BBX: variants seen among roughly 807,000 people sequenced by gnomAD.
The protein encoded by BBX is HMG box transcription factor BBX.
In BBX, 30 loss-of-function variants were observed where a neutral mutation model predicts 100.2. The observed-to-expected ratio is 0.30, with a 90% CI of 0.22 to 0.41. The LOEUF (loss-of-function observed/expected upper bound fraction) is 0.41, where lower values mean the gene tolerates loss of function less well. Among genes scored for constraint, BBX ranks in the 10% least tolerant of loss-of-function variants. BBX has a pLI of 1.00. For synonymous variants in BBX, 376 were observed against 388.1 expected (o/e 0.97, Z 0.37); for missense variants, 1,023 against 1,129.8 (o/e 0.91, Z 1.35).
At chr3:107,769,953 T>G (rs2066762963) in intron 10 of BBX, among the ~76,000 whole-genome samples, 1 of 152,226 alleles carries the variant, frequency 6.6e-6, no homozygotes, top group Admixed American at 6.5e-5. Flanking sequence ...TTGATTTACA[T>G]GTATAGTTTC....
chr3:107,787,594 C>T (rs78946280), intron 13 of BBX, among the ~76,000 whole-genome samples: 4,242 of 152,170 alleles, frequency 0.028, 208 homozygotes, highest in African/African-American at 0.097. Context: ...TGAATATAAA[C>T]ACAAGTTTTA....
At chr3:107,775,144 G>A (rs2067222004) in intron 12 of BBX, among the ~76,000 whole-genome samples, 1 of 152,128 alleles carries the variant, frequency 6.6e-6, no homozygotes, top group South Asian at 2.1e-4. Flanking sequence ...TCACCAGGAT[G>A]CATTTTTCCA....
intron 2 of BBX, among the ~76,000 whole-genome samples, chr3:107,596,528 C>G (rs1176927410): frequency 6.6e-6 from 1 of 152,134 alleles, no homozygotes; most frequent in Non-Finnish European, 1.5e-5. Flanking sequence ...GTGAGATAGG[C>G]TAAGCTAGGA....
At chr3:107,700,890 G>A (rs867024951) in intron 3 of BBX, among the ~76,000 whole-genome samples, 2,212 of 149,740 alleles carry the variant, frequency 0.015, 88 homozygotes, top group African/African-American at 0.051. Flanking sequence ...GAATAGTGCC[G>A]CAATAAACAT....
rs1056623562 is a variant in BBX at position 107,682,794 on chromosome 3, G to T, written c.-9-27658G>T. ...CATTTGCTGCAGTTGCAGTAATTAT[G>T]TGGTGAAGCAGTTAATTTTGAACAA... On this transcript the variant is annotated intron_variant, in intron 3 of 17. Transcript: ENST00000325805. Among the ~76,000 whole-genome samples the T allele has an allele frequency of 5.9e-5, 9 of 152,248 alleles. No individual in the cohort carries two copies. In the East Asian group the frequency reaches 1.7e-3, roughly 29 times the overall value.
At chr3:107,747,728 C>G (rs1237141880) in intron 8 of BBX, among the ~76,000 whole-genome samples, 1 of 150,968 alleles carries the variant, frequency 6.6e-6, no homozygotes, top group Admixed American at 6.6e-5. Flanking sequence ...ACCTGGTACC[C>G]TTACCAAAGA....
chr3:107,719,244 G>C (rs114292232), intron 5 of BBX, among the ~76,000 whole-genome samples: 16 of 151,964 alleles, frequency 1.1e-4, no homozygotes, highest in African/African-American at 3.6e-4. Flanking sequence ...AATTTTAGAC[G>C]TTGTCCATTA....
intron 4 of BBX, 102 bp from the exon 5 acceptor site, chr3:107,716,505 A>G: frequency 7.2e-7 from 1 of 1,393,610 alleles, no homozygotes; most frequent in African/African-American, 1.4e-5. Flanking sequence ...AGTTGTTTAA[A>G]TGGAGCTAAG....
chr3:107,696,908 TTTTTC>T (rs1340688823), intron 3 of BBX, among the ~76,000 whole-genome samples: 1 of 151,678 alleles, frequency 6.6e-6, no homozygotes, highest in African/African-American at 2.4e-5. Context: ...TTTTTATTCT[TTTTTC>T]TCTAAACTTC....
intron 13 of BBX, among the ~76,000 whole-genome samples, chr3:107,788,669 G>A (rs1446349370): frequency 6.6e-6 from 1 of 152,118 alleles, no homozygotes; most frequent in Admixed American, 6.5e-5. Flanking sequence ...TAGTTACTCA[G>A]GAGGCTGAGG....
At chr3:107,666,393 A>G (rs538222020) in intron 3 of BBX, among the ~76,000 whole-genome samples, 2 of 152,314 alleles carry the variant, frequency 1.3e-5, no homozygotes, top group South Asian at 4.1e-4. Flanking sequence ...TGAACATTCC[A>G]TTTAAGTCTT....
chr3:107,701,187 G>A (rs1431303371), intron 3 of BBX, among the ~76,000 whole-genome samples: 3 of 152,088 alleles, frequency 2.0e-5, no homozygotes, highest in Non-Finnish European at 4.4e-5. Flanking sequence ...TTCTCTGATG[G>A]CCAGTGATGA....
intron 2 of BBX, among the ~76,000 whole-genome samples, chr3:107,556,295 A>G (rs1398591843): frequency 3.3e-5 from 5 of 152,304 alleles, no homozygotes; most frequent in South Asian, 2.1e-4. Context: ...AGGTTTATCT[A>G]TTTATTAGTA....
At chr3:107,572,438 C>T (rs2051439306) in intron 2 of BBX, among the ~76,000 whole-genome samples, 1 of 152,050 alleles carries the variant, frequency 6.6e-6, no homozygotes, top group East Asian at 1.9e-4. Context: ...ATGCCTGAAG[C>T]TGATTGGAGA....
At chr3:107,657,813 A>G (rs910920482) in intron 3 of BBX, among the ~76,000 whole-genome samples, 3 of 152,114 alleles carry the variant, frequency 2.0e-5, no homozygotes, top group African/African-American at 7.2e-5. Flanking sequence ...GTTTAATAGA[A>G]GAGAGAGGTA....
chr3:107,729,046 G>GCATTTTAA, intron 6 of BBX, 86 bp downstream of exon 6: 1 of 1,380,618 alleles, frequency 7.2e-7, no homozygotes, highest in Non-Finnish European at 9.9e-7. Flanking sequence ...AGGGCGGGGG[G>GCATTTTAA]ACAAAATTTA....
intron 3 of BBX, among the ~76,000 whole-genome samples, chr3:107,678,531 C>T (rs1242548329): frequency 6.6e-6 from 1 of 152,030 alleles, no homozygotes; most frequent in Non-Finnish European, 1.5e-5. Flanking sequence ...TGAGATAAGC[C>T]TAGGCAACAC....
chr3:107,716,527 A>G, intron 4 of BBX, 80 bp from the exon 5 acceptor site: 1 of 1,523,930 alleles, frequency 6.6e-7, no homozygotes, highest in South Asian at 1.3e-5. Flanking sequence ...AAAAAATACA[A>G]TTTGCAAACC....
chr3:107,706,147 C>T (rs966832935), intron 3 of BBX, among the ~76,000 whole-genome samples: 2 of 151,542 alleles, frequency 1.3e-5, no homozygotes, highest in Admixed American at 1.3e-4. Flanking sequence ...CCCAGCCTCG[C>T]GAGTAGCTGG....
Sources: gnomAD v4.1 joint callset for allele counts (sites outside exome capture counted in the v4.1 genomes callset) on GRCh38, gnomAD v4.1.1 for gene constraint, MANE v1.5 for transcripts, NCBI Gene and HGNC (gene_info 2026-07-23, HGNC 2026-07-21) for gene names.